The following LIMS1 variants were observed in gnomAD, a reference collection of about 807,000 sequenced individuals.
The protein encoded by LIMS1 is LIM and senescent cell antigen-like-containing domain protein 1.
LIMS1 carries 18 observed loss-of-function variants against 44.1 expected under a neutral mutation model. The ratio of observed to expected loss-of-function variants is 0.41; its 90% CI spans 0.28 to 0.61. The LOEUF is 0.61. Ranked by LOEUF, LIMS1 falls within the 20% of genes least tolerant of loss-of-function variation. LIMS1 has a pLI of 0.32. For synonymous variants in LIMS1, 93 were observed against 149.1 expected, an observed-to-expected ratio of 0.62 and a Z score of 2.74; for missense variants, 201 against 422.0, an observed-to-expected ratio of 0.48 and a Z score of 4.59.
intron 2 of LIMS1, among the ~76,000 whole-genome samples, chr2:108,660,897 A>G (rs1380338940): frequency 6.7e-6 from 1 of 148,790 alleles, no homozygotes; most frequent in Non-Finnish European, 1.5e-5. Context: ...ACATCTATAT[A>G]TGATAATATA....
intron 1 of LIMS1, among the ~76,000 whole-genome samples, chr2:108,586,680 C>T (rs912478888): frequency 3.3e-5 from 5 of 152,166 alleles, no homozygotes; most frequent in Admixed American, 6.5e-5. Flanking sequence ...CTCAGAAAAA[C>T]ATCCAGTTTC....
chr2:108,549,975 G>A (rs1684627701), intron 1 of LIMS1, among the ~76,000 whole-genome samples: 2 of 152,122 alleles, frequency 1.3e-5, no homozygotes, highest in East Asian at 3.8e-4. Context: ...CTACCAGAAA[G>A]TTTGAAACTA....
intron 1 of LIMS1, among the ~76,000 whole-genome samples, chr2:108,551,290 A>G (rs116589805): frequency 0.033 from 4,898 of 147,768 alleles, 170 homozygotes; most frequent in South Asian, 0.14. Flanking sequence ...GTTCACTCAT[A>G]CTATATATAT....
At chr2:108,644,689 A>G (rs1163078694) in intron 1 of LIMS1, among the ~76,000 whole-genome samples, 1 of 152,114 alleles carries the variant, frequency 6.6e-6, no homozygotes, top group Non-Finnish European at 1.5e-5. Flanking sequence ...GGTAGGTAAT[A>G]ACAAACTCCT....
At chr2:108,560,910 C>T (rs1324160108) in intron 1 of LIMS1, among the ~76,000 whole-genome samples, 1 of 152,184 alleles carries the variant, frequency 6.6e-6, no homozygotes. Context: ...ATGATGCCTT[C>T]TGTGTGTCTG....
intron 1 of LIMS1, among the ~76,000 whole-genome samples, chr2:108,540,674 A>T (rs1010432448): frequency 2.6e-5 from 4 of 152,224 alleles, no homozygotes; most frequent in African/African-American, 9.6e-5. Context: ...TACTGAACTC[A>T]TGCACTTTAG....
intron 1 of LIMS1, among the ~76,000 whole-genome samples, chr2:108,652,597 C>G (rs1026554743): frequency 1.3e-5 from 2 of 152,184 alleles, no homozygotes; most frequent in Non-Finnish European, 2.9e-5. Flanking sequence ...ATGGAATAGT[C>G]CTGTAACTTG....
At chr2:108,680,747 C>T (rs1314819609) in exon 9 of LIMS1, 1 of 1,610,234 alleles carries the variant, frequency 6.2e-7, no homozygotes, top group African/African-American at 1.3e-5. Flanking sequence ...CCTGTTCTAC[C>T]TGCAACACTA....
intron 3 of LIMS1, among the ~76,000 whole-genome samples, chr2:108,671,789 C>T (rs1256184972): frequency 6.6e-6 from 1 of 152,160 alleles, no homozygotes; most frequent in African/African-American, 2.4e-5. Flanking sequence ...AGAGATGACA[C>T]AAAACAGCCC....
At chr2:108,637,863 ATTTTT>A (rs11312101) in intron 1 of LIMS1, among the ~76,000 whole-genome samples, 3 of 143,844 alleles carry the variant, frequency 2.1e-5, no homozygotes, top group Non-Finnish European at 4.6e-5. Flanking sequence ...AAATTTTAAG[ATTTTT>A]TTTTTTTTTT....
intron 1 of LIMS1, among the ~76,000 whole-genome samples, chr2:108,642,972 G>A (rs1040007659): frequency 6.6e-6 from 1 of 152,198 alleles, no homozygotes; most frequent in African/African-American, 2.4e-5. Flanking sequence ...CATGCAGCCA[G>A]GGTCCTAGAT....
chr2:108,660,028 T>C, intron 2 of LIMS1: 2 of 436,838 alleles, frequency 4.6e-6, no homozygotes, highest in Non-Finnish European at 8.8e-6. Flanking sequence ...GAGTCCCTTA[T>C]GACAGAGCCT....
At chr2:108,598,995 A>G (rs1252638389) in intron 1 of LIMS1, among the ~76,000 whole-genome samples, 1 of 152,034 alleles carries the variant, frequency 6.6e-6, no homozygotes, top group Non-Finnish European at 1.5e-5. Flanking sequence ...GGGGGGTGAT[A>G]TTTATCCCCT....
At chr2:108,633,695 G>A (rs1453538449) in intron 1 of LIMS1, among the ~76,000 whole-genome samples, 1 of 152,176 alleles carries the variant, frequency 6.6e-6, no homozygotes, top group Non-Finnish European at 1.5e-5. Flanking sequence ...GACTTGGTTG[G>A]CCCAGAGTCA....
chr2:108,591,956 G>A (rs925376310), intron 1 of LIMS1, among the ~76,000 whole-genome samples: 8 of 151,788 alleles, frequency 5.3e-5, no homozygotes, highest in Non-Finnish European at 7.4e-5. Context: ...CACCATGCCC[G>A]GCTAATTTTT....
At chr2:108,551,727 A>T (rs1052629038) in intron 1 of LIMS1, among the ~76,000 whole-genome samples, 1 of 146,130 alleles carries the variant, frequency 6.8e-6, no homozygotes, top group Non-Finnish European at 1.5e-5. Flanking sequence ...TATATGTATA[A>T]TGTATATGAT....
At chr2:108,601,674 G>T (rs1275133418) in intron 1 of LIMS1, among the ~76,000 whole-genome samples, 1 of 152,166 alleles carries the variant, frequency 6.6e-6, no homozygotes, top group Non-Finnish European at 1.5e-5. Context: ...CCACACACAT[G>T]CCTGGCTAAT....
rs1286768880 is a variant in LIMS1, at chr2:108,658,711, G to T, written c.33-894G>T. ...CTTCTGTGTTTTAAGGTGTAGTGAG[G>T]CTACCGATGGGGGAATTTCCCACGT... On this transcript the variant is annotated intron_variant, in intron 1 of 9. Transcript: ENST00000544547. 9.8e-5 allele frequency among the ~76,000 whole-genome samples: 15 copies of T among 152,416 alleles called. No individual in the cohort carries two copies. The East Asian group carries it at 2.9e-3, about 29-fold the overall frequency.
chr2:108,606,041 C>T (rs867193931), intron 1 of LIMS1, among the ~76,000 whole-genome samples: 4 of 152,340 alleles, frequency 2.6e-5, no homozygotes, highest in Middle Eastern at 3.4e-3. Flanking sequence ...CCAGCTCTGC[C>T]CCCAGTTTGG....
Sources: allele counts gnomAD v4.1 joint callset (sites outside exome capture counted in the v4.1 genomes callset), GRCh38; gene constraint gnomAD v4.1.1; transcripts MANE v1.5; gene names NCBI Gene and HGNC (gene_info 2026-07-23, HGNC 2026-07-21).